DGKI: variants seen among roughly 807,000 people sequenced by gnomAD.
DGKI encodes DAG kinase iota.
In DGKI, 55 loss-of-function variants were observed where a neutral mutation model predicts 147.5. That is an observed-to-expected ratio of 0.37 (90% CI 0.30 to 0.47). The LOEUF (loss-of-function observed/expected upper bound fraction) is 0.47. Ranked by LOEUF, DGKI falls within the 20% of genes least tolerant of loss-of-function variation. DGKI has a pLI of 1.00. For missense variants in DGKI, 1,007 were observed against 1,323.8 expected (o/e 0.76, Z 3.71); for synonymous variants, 469 against 477.1 (o/e 0.98, Z 0.22).
At position 137,657,948 on chromosome 7, in the gene DGKI, C is replaced by T. The variant is rs74667323; in HGVS notation, c.607-1408G>A. Among the ~76,000 whole-genome samples, 1,470 of 152,262 alleles carry T rather than the reference C, an allele frequency of 9.7e-3. 25 individuals are homozygous for T. Among genetic ancestry groups the T allele is most frequent in the African/African-American group, 0.034 (1,396 of 41,538 alleles). On this transcript the variant is annotated intron_variant, in intron 3 of 32. Coordinates refer to ENST00000614521, the MANE Select transcript of DGKI (RefSeq NM_001321708.2). ...CAAAGAACCTAAAACACTGCAGTAC[C>T]GCTGCCATGAAACTTGTAGAAGAAA...
At chr7:137,808,627 A>G (rs1237478146) in intron 1 of DGKI, among the ~76,000 whole-genome samples, 2 of 152,228 alleles carry the variant, frequency 1.3e-5, no homozygotes, top group Non-Finnish European at 2.9e-5. Flanking sequence ...AACAAGGATA[A>G]TAATGTAGGT....
At chr7:137,802,364 C>G (rs1223397892) in intron 1 of DGKI, among the ~76,000 whole-genome samples, 1 of 152,176 alleles carries the variant, frequency 6.6e-6, no homozygotes, top group East Asian at 1.9e-4. Context: ...CTAAAACCAC[C>G]TGTTCCCCAA....
intron 1 of DGKI, among the ~76,000 whole-genome samples, chr7:137,822,149 G>A (rs990280522): frequency 6.6e-6 from 1 of 152,190 alleles, no homozygotes; most frequent in African/African-American, 2.4e-5. Flanking sequence ...GCTGACACCT[G>A]TAATCCCAGC....
intron 1 of DGKI, among the ~76,000 whole-genome samples, chr7:137,695,732 T>G (rs1823759169): frequency 1.3e-5 from 2 of 152,188 alleles, no homozygotes; most frequent in Non-Finnish European, 2.9e-5. Flanking sequence ...TACTATAAAA[T>G]TCACCTTTTC....
chr7:137,701,279 A>G (rs1282407801), intron 1 of DGKI, among the ~76,000 whole-genome samples: 6 of 152,192 alleles, frequency 3.9e-5, no homozygotes, highest in African/African-American at 1.2e-4. Flanking sequence ...CTAACATTCA[A>G]ACAAATCTGG....
chr7:137,603,628 A>G (rs576727874), intron 10 of DGKI, among the ~76,000 whole-genome samples: 36 of 152,356 alleles, frequency 2.4e-4, no homozygotes, highest in African/African-American at 8.2e-4. Context: ...ACGTCTGCTA[A>G]GGAGGATGAG....
chr7:137,489,017 G>A (rs1815667792), intron 21 of DGKI, among the ~76,000 whole-genome samples: 1 of 152,118 alleles, frequency 6.6e-6, no homozygotes, highest in African/African-American at 2.4e-5. Flanking sequence ...AAGAAATAGA[G>A]TTTGTATCTC....
chr7:137,383,216 CAATTGGCAA>C lies in DGKI; in HGVS notation c.*7995_*8003del, dbSNP rs1307498803. ...TTTAGGAGATTTGGGAATTGGCTAA[CAATTGGCAA>C]AATTGCTAGCCAATTTCCAAATCTC... On this transcript the variant is annotated 3_prime_UTR_variant, in exon 33 of 33. Transcript: ENST00000614521. 1.3e-5 allele frequency: 2 copies of C among 150,180 alleles called. No homozygotes were observed. The highest frequency in any genetic ancestry group is 2.1e-4 in the South Asian group (1 of 4,750). The allele number at this position is 150,180 out of a possible 1,614,324, so 9.3% of individuals were successfully genotyped here.
intron 31 of DGKI, among the ~76,000 whole-genome samples, chr7:137,396,281 A>C (rs577404998): frequency 6.6e-6 from 1 of 152,180 alleles, no homozygotes; most frequent in African/African-American, 2.4e-5. Flanking sequence ...AGGATATCTG[A>C]GAGGCACAGT....
At chr7:137,528,846 C>A (rs1817241011) in intron 20 of DGKI, among the ~76,000 whole-genome samples, 1 of 152,128 alleles carries the variant, frequency 6.6e-6, no homozygotes, top group African/African-American at 2.4e-5. Flanking sequence ...TTTGCAAATT[C>A]TCCCTGCAGT....
intron 6 of DGKI, among the ~76,000 whole-genome samples, chr7:137,641,565 G>A (rs1821626608): frequency 6.6e-6 from 1 of 152,110 alleles, no homozygotes; most frequent in African/African-American, 2.4e-5. Flanking sequence ...GTGTTTAAGT[G>A]TAGCATGAAA....
intron 1 of DGKI, among the ~76,000 whole-genome samples, chr7:137,763,611 A>G (rs1468783012): frequency 6.6e-6 from 1 of 152,262 alleles, no homozygotes; most frequent in Non-Finnish European, 1.5e-5. Flanking sequence ...TTGAAAACTT[A>G]GAAAATGTTT....
chr7:137,772,407 A>T (rs1353717499), intron 1 of DGKI, among the ~76,000 whole-genome samples: 3 of 152,186 alleles, frequency 2.0e-5, no homozygotes, highest in African/African-American at 7.2e-5. Flanking sequence ...TGACCGGCAC[A>T]GTGTCTGACA....
intron 21 of DGKI, among the ~76,000 whole-genome samples, chr7:137,518,353 T>C (rs190420856): frequency 5.7e-4 from 87 of 152,254 alleles, no homozygotes; most frequent in Non-Finnish European, 1.0e-3. Context: ...TTCTGACTTT[T>C]CTACTAAATC....
At position 137,756,863 on chromosome 7, in the gene DGKI, C is replaced by A. The variant is rs574676674; in HGVS notation, c.402-66861G>T. 2.0e-4 allele frequency among the ~76,000 whole-genome samples: 31 copies of A among 152,304 alleles called. 1 individual carries two copies. In the South Asian group the frequency reaches 6.2e-3, roughly 31 times the overall value. ...ATTCCAAAGCCCTCTCCTAACCACA[C>A]AAGGACCACTAATACCTACCCACAA... On this transcript the variant is annotated intron_variant, in intron 1 of 32. Transcript: ENST00000614521.
chr7:137,818,694 A>C (rs1053784609), intron 1 of DGKI, among the ~76,000 whole-genome samples: 1 of 152,094 alleles, frequency 6.6e-6, no homozygotes, highest in Admixed American at 6.5e-5. Flanking sequence ...CACCTGCCTC[A>C]GCCTCCCAAA....
chr7:137,632,660 C>T (rs772729843), intron 6 of DGKI, among the ~76,000 whole-genome samples: 39 of 151,536 alleles, frequency 2.6e-4, no homozygotes, highest in Non-Finnish European at 4.9e-4. Context: ...AGATCGAGAC[C>T]ATCCTGGCCA....
chr7:137,428,667 C>CA (rs1471335895), intron 28 of DGKI, among the ~76,000 whole-genome samples: 3 of 152,050 alleles, frequency 2.0e-5, no homozygotes, highest in African/African-American at 7.2e-5. Context: ...TGTCTCAGCC[C>CA]AAAATCTCCT....
At chr7:137,398,845 C>G (rs766352861) in intron 30 of DGKI, among the ~76,000 whole-genome samples, 1 of 151,824 alleles carries the variant, frequency 6.6e-6, no homozygotes, top group Non-Finnish European at 1.5e-5. Flanking sequence ...TATTAGCATG[C>G]AGAAGTAGTT....
Sources: gnomAD v4.1 joint callset for allele counts (sites outside exome capture counted in the v4.1 genomes callset) on GRCh38, gnomAD v4.1.1 for gene constraint, MANE v1.5 for transcripts, NCBI Gene and HGNC (gene_info 2026-07-23, HGNC 2026-07-21) for gene names.